Variants in ABCA1 observed in about 807,000 individuals in gnomAD.
ABCA1 encodes ATP binding cassette subfamily A member 1, also known as phospholipid-transporting ATPase ABCA1.
In ABCA1, 133 loss-of-function variants were observed where a neutral mutation model predicts 262.5. The observed-to-expected ratio is 0.51, with a 90% CI of 0.44 to 0.59. The LOEUF (loss-of-function observed/expected upper bound fraction) is 0.59. Ranked by LOEUF, ABCA1 falls within the 20% of genes least tolerant of loss-of-function variation. The pLI is 0.00. For synonymous variants in ABCA1, 1,022 were observed against 1,043.5 expected (o/e 0.98, Z 0.40); for missense variants, 2,452 against 2,777.5 (o/e 0.88, Z 2.63).
chr9:104,911,687 A>G (rs148546925), intron 1 of ABCA1, among the ~76,000 whole-genome samples: 358 of 152,282 alleles, frequency 2.4e-3, no homozygotes, highest in African/African-American at 8.2e-3. Flanking sequence ...CTCCTGAAAC[A>G]TTCCATAAAC....
rs144323320 is a variant in ABCA1, at chr9:104,787,913, T to C, written c.6204+7A>G. 192 of 1,613,992 alleles carry C rather than the reference T, an allele frequency of 1.2e-4. No individual in the cohort carries two copies. In the East Asian group the frequency reaches 4.1e-3, roughly 34 times the overall value. ...AACAACAGTTTTCCATCCACAGTTA[T>C]ACTCACCAGAAACACCACAGGAGGC... On this transcript the variant is annotated splice_region_variant and intron_variant, in intron 46 of 49. Coordinates refer to ENST00000374736, the MANE Select transcript of ABCA1 (RefSeq NM_005502.4).
chr9:104,877,628 G>A (rs577506410), intron 5 of ABCA1, among the ~76,000 whole-genome samples: 1 of 152,262 alleles, frequency 6.6e-6, no homozygotes, highest in Non-Finnish European at 1.5e-5. Flanking sequence ...AAAGCAACTC[G>A]AATTTATTAT....
intron 5 of ABCA1, among the ~76,000 whole-genome samples, chr9:104,868,196 C>T (rs1837260202): frequency 6.6e-6 from 1 of 152,098 alleles, no homozygotes. Flanking sequence ...CCCGTCTCTA[C>T]TAAAAATACA....
At chr9:104,923,400 T>G (rs1842254723) in intron 1 of ABCA1, among the ~76,000 whole-genome samples, 1 of 152,226 alleles carries the variant, frequency 6.6e-6, no homozygotes, top group Non-Finnish European at 1.5e-5. Flanking sequence ...AAAATTGAGT[T>G]GAGTAAATTT....
rs771441734 is a variant in ABCA1, at chr9:104,800,597, G to A, written c.4699-13C>T. ...CTGCAGAACTGTCCTGTAAACAACA[G>A]AAACCTGCCTCAGTTGTGACTGTTC... On this transcript the variant is annotated splice_polypyrimidine_tract_variant and intron_variant, in intron 34 of 49. Coordinates refer to ENST00000374736, the MANE Select transcript of ABCA1 (RefSeq NM_005502.4). The A allele has an allele frequency of 2.5e-6, 4 of 1,613,950 alleles. No individual in the cohort carries two copies. Among genetic ancestry groups the A allele is most frequent in the Admixed American group, 1.7e-5 (1 of 60,034 alleles).
intron 5 of ABCA1, among the ~76,000 whole-genome samples, chr9:104,881,655 G>A (rs116856985): frequency 0.011 from 1,691 of 152,228 alleles, 17 homozygotes; most frequent in Non-Finnish European, 0.015. Context: ...TCTGCACCAC[G>A]CTGTCTCTTG....
rs529755302 is a variant in ABCA1, at chr9:104,829,195, A to T, written c.1893-57T>A. ...AGAAAGACACACGTGAGCCAGGGTG[A>T]TGGGCCAAGGCCTCTGAGCCTGCAT... On this transcript the variant is annotated intron_variant, in intron 14 of 49. Transcript: ENST00000374736. 52 of 1,580,444 alleles carry T rather than the reference A, an allele frequency of 3.3e-5. No individual in the cohort carries two copies. The African/African-American group carries it at 6.0e-4, about 18-fold the overall frequency.
At chr9:104,905,947 T>C (rs1841098564) in intron 1 of ABCA1, among the ~76,000 whole-genome samples, 1 of 152,186 alleles carries the variant, frequency 6.6e-6, no homozygotes. Flanking sequence ...TAAGCATCAA[T>C]TTCCTCATGG....
intron 41 of ABCA1, 26 bp from the exon 42 acceptor site, chr9:104,792,932 A>G: frequency 6.2e-7 from 1 of 1,613,654 alleles, no homozygotes; most frequent in Non-Finnish European, 8.5e-7. Flanking sequence ...AAGAAAAATG[A>G]ACCTTTCAAA....
intron 7 of ABCA1, among the ~76,000 whole-genome samples, 167 bp downstream of exon 7, chr9:104,858,355 G>A (rs897182539): frequency 3.9e-5 from 6 of 152,150 alleles, no homozygotes; most frequent in African/African-American, 1.2e-4. Context: ...TGGCCCAAAA[G>A]TCTGAAAGAA....
Position 104,812,625 on chromosome 9 carries a change from C to T in ABCA1, c.3999G>A (p.Leu1333=), listed in dbSNP as rs183043192. ...KLTQQQFVAL[L]WKRLLIARRS... is the part of the protein sequence containing the mutation. The stretch of plus-strand genomic sequence containing the variant: ...GTCTGGCAATTAGCAGTCTCTTCCA[C>T]AAAAGGGCCACAAACTGTTGCTGTG... The change falls in exon 28 of 50, where the codon TTG becomes TTA. Residue 1333 remains leucine, a synonymous_variant. Coordinates refer to ENST00000374736, the MANE Select transcript of ABCA1 (RefSeq NM_005502.4). 1.2e-4 allele frequency: 198 copies of T among 1,614,232 alleles called. No individual in the cohort carries two copies. The highest frequency in any genetic ancestry group is 7.4e-5 in the Non-Finnish European group (87 of 1,180,046).
At chr9:104,840,915 A>G in intron 8 of ABCA1, among the ~76,000 whole-genome samples, 1 of 147,948 alleles carries the variant, frequency 6.8e-6, no homozygotes, top group Non-Finnish European at 1.5e-5. Context: ...ATTATCTTCC[A>G]GTTTATAGAT....
intron 31 of ABCA1, 86 bp from the exon 32 acceptor site, chr9:104,804,806 C>T: frequency 1.7e-6 from 2 of 1,188,570 alleles, no homozygotes; most frequent in Non-Finnish European, 2.5e-6. Context: ...GTGACCATGT[C>T]CACAGTGTGA....
chr9:104,791,659 T>G (rs1041445216), intron 43 of ABCA1, among the ~76,000 whole-genome samples: 1 of 152,188 alleles, frequency 6.6e-6, no homozygotes, highest in African/African-American at 2.4e-5. Flanking sequence ...TCTCCTGACC[T>G]CGTGATCCGC....
intron 1 of ABCA1, among the ~76,000 whole-genome samples, chr9:104,914,515 A>G (rs1375325617): frequency 6.6e-6 from 1 of 151,284 alleles, no homozygotes; most frequent in Non-Finnish European, 1.5e-5. Context: ...AAAAAAAAAA[A>G]GAGAGAAATC....
At chr9:104,891,965 TTA>T (rs1839789570) in intron 2 of ABCA1, among the ~76,000 whole-genome samples, 1 of 100,652 alleles carries the variant, frequency 9.9e-6, no homozygotes, top group Admixed American at 1.1e-4. Flanking sequence ...ACTCTGTCTC[TTA>T]AAAAAAAAAA....
At chr9:104,789,047 C>G (rs941762250) in intron 44 of ABCA1, among the ~76,000 whole-genome samples, 5 of 152,168 alleles carry the variant, frequency 3.3e-5, no homozygotes, top group African/African-American at 1.2e-4. Context: ...TGAAGCCAGT[C>G]AAGTGAAGAA....
intron 10 of ABCA1, 27 bp from the exon 11 acceptor site, chr9:104,837,123 C>G: frequency 1.9e-6 from 3 of 1,568,266 alleles, no homozygotes; most frequent in Non-Finnish European, 2.6e-6. Flanking sequence ...AGCCAGGGAC[C>G]GCAGAAAAAG....
At position 104,793,207 on chromosome 9, in the gene ABCA1, G is replaced by C. The variant is rs1300861791; in HGVS notation, c.5600C>G (p.Thr1867Ser). ...AVEGVVFFLITVLIQYRFFIR... is the reference protein window; with the variant it reads ...AVEGVVFFLISVLIQYRFFIR... Reference sequence around the variant, plus strand: ...GAAGAATCTGTACTGGATCAGAACAGTAATGAGGAAGAACACCACCCCTTC... The same window carrying C: ...GAAGAATCTGTACTGGATCAGAACACTAATGAGGAAGAACACCACCCCTTC... Residue 1867 changes from threonine (T) to serine (S), a missense_variant, in exon 41 of 50, where the codon ACT (threonine) becomes AGT (serine). Around this residue, in one of 4 missense-constraint regions of ABCA1, gnomAD observed 752 missense variants for 944.5 expected, o/e 0.80. Coordinates refer to ENST00000374736, the MANE Select transcript of ABCA1 (RefSeq NM_005502.4). The C allele has an allele frequency of 6.2e-7, 1 of 1,614,106 alleles. No individual in the cohort carries two copies. Among genetic ancestry groups the C allele is most frequent in the Non-Finnish European group, 8.5e-7 (1 of 1,180,010 alleles).
Sources: gnomAD v4.1 joint callset for allele counts (sites outside exome capture counted in the v4.1 genomes callset) on GRCh38, gnomAD v4.1.1 for gene constraint, gnomAD v4.1.1 regional missense constraint, MANE v1.5 for transcripts, NCBI Gene and HGNC (gene_info 2026-07-23, HGNC 2026-07-21) for gene names.